Variants in LHFPL3 observed in about 807,000 individuals in gnomAD.
LHFPL3 encodes the protein LHFPL tetraspan subfamily member 3 protein.
Under a neutral mutation model 19.3 loss-of-function variants are expected in LHFPL3, and 5 were observed. The observed-to-expected ratio is 0.26, with a 90% CI of 0.14 to 0.54. LHFPL3 has a LOEUF of 0.54. Among genes scored for constraint, LHFPL3 ranks in the 20% least tolerant of loss-of-function variants. The probability of loss-of-function intolerance (pLI) is 0.94; values close to 1 mark genes in which losing one functional copy is unlikely to be tolerated. For synonymous variants in LHFPL3, 133 were observed against 126.2 expected, an observed-to-expected ratio of 1.05 and a Z score of -0.36; for missense variants, 249 against 307.4, an observed-to-expected ratio of 0.81 and a Z score of 1.42.
intron 1 of LHFPL3, among the ~76,000 whole-genome samples, chr7:104,610,196 T>C (rs1009236537): frequency 6.6e-6 from 1 of 152,164 alleles, no homozygotes; most frequent in African/African-American, 2.4e-5. Context: ...AAAAATCCTT[T>C]CTGTATACTG....
At chr7:104,331,062 A>C (rs1014102792) in intron 1 of LHFPL3, among the ~76,000 whole-genome samples, 2 of 152,214 alleles carry the variant, frequency 1.3e-5, no homozygotes, top group Non-Finnish European at 2.9e-5. Context: ...GAGGTTTCCT[A>C]CTCTAACCCC....
At chr7:104,674,721 A>C (rs1225228700) in intron 1 of LHFPL3, among the ~76,000 whole-genome samples, 1 of 152,230 alleles carries the variant, frequency 6.6e-6, no homozygotes, top group Non-Finnish European at 1.5e-5. Context: ...GGGAGAAAAA[A>C]GATTGACATA....
intron 1 of LHFPL3, among the ~76,000 whole-genome samples, chr7:104,672,208 G>C (rs575193742): frequency 1.1e-4 from 17 of 152,160 alleles, no homozygotes; most frequent in African/African-American, 3.6e-4. Context: ...GTTTTTCCTG[G>C]CTGCATCCCT....
At chr7:104,408,153 A>G (rs1034465174) in intron 1 of LHFPL3, among the ~76,000 whole-genome samples, 7 of 152,106 alleles carry the variant, frequency 4.6e-5, no homozygotes, top group Non-Finnish European at 7.4e-5. Flanking sequence ...CTCTTATTTT[A>G]TTATCCAGCA....
At chr7:104,898,171 C>T (rs1306470982) in intron 2 of LHFPL3, among the ~76,000 whole-genome samples, 2 of 151,636 alleles carry the variant, frequency 1.3e-5, no homozygotes, top group East Asian at 3.9e-4. Flanking sequence ...CACCACACCC[C>T]GCTAATTTTT....
chr7:104,721,370 A>G (rs1410519157), intron 1 of LHFPL3, among the ~76,000 whole-genome samples: 1 of 152,092 alleles, frequency 6.6e-6, no homozygotes, highest in Non-Finnish European at 1.5e-5. Flanking sequence ...AGGGAATATC[A>G]CACACTGGGG....
At chr7:104,541,185 C>A (rs1794480842) in intron 1 of LHFPL3, among the ~76,000 whole-genome samples, 2 of 150,454 alleles carry the variant, frequency 1.3e-5, no homozygotes, top group South Asian at 2.1e-4. Context: ...AAAGGGAGAG[C>A]TTCTCTGATC....
intron 1 of LHFPL3, among the ~76,000 whole-genome samples, chr7:104,619,431 T>C (rs1313149672): frequency 6.6e-6 from 1 of 151,926 alleles, no homozygotes; most frequent in Non-Finnish European, 1.5e-5. Context: ...TCCCTTTTTC[T>C]TTTTTTTCAG....
chr7:104,632,278 C>T (rs1227265415), intron 1 of LHFPL3, among the ~76,000 whole-genome samples: 1 of 152,090 alleles, frequency 6.6e-6, no homozygotes, highest in Non-Finnish European at 1.5e-5. Context: ...TCCCTGCCTC[C>T]CAGAGACCCA....
At chr7:104,373,395 G>A (rs59469645) in intron 1 of LHFPL3, among the ~76,000 whole-genome samples, 340 of 152,276 alleles carry the variant, frequency 2.2e-3, no homozygotes, top group African/African-American at 7.5e-3. Flanking sequence ...AAAGTATTAC[G>A]TATGTTTTAA....
intron 2 of LHFPL3, among the ~76,000 whole-genome samples, chr7:104,885,924 C>T (rs1185587015): frequency 6.6e-6 from 1 of 152,216 alleles, no homozygotes; most frequent in African/African-American, 2.4e-5. Context: ...TGCTATTTCT[C>T]CTGCCTCTGC....
At chr7:104,468,676 C>T (rs1287372225) in intron 1 of LHFPL3, among the ~76,000 whole-genome samples, 9 of 140,474 alleles carry the variant, frequency 6.4e-5, no homozygotes, top group South Asian at 2.2e-4. Flanking sequence ...TTTTTTTTTC[C>T]GAGTTGGAGT....
chr7:104,339,409 T>C (rs1789903425), intron 1 of LHFPL3, among the ~76,000 whole-genome samples: 1 of 152,184 alleles, frequency 6.6e-6, no homozygotes, highest in Non-Finnish European at 1.5e-5. Flanking sequence ...TCAAAAGAAC[T>C]TGTTCAAGGT....
chr7:104,621,630 A>G (rs1392579819), intron 1 of LHFPL3, among the ~76,000 whole-genome samples: 1 of 152,130 alleles, frequency 6.6e-6, no homozygotes, highest in East Asian at 1.9e-4. Context: ...GTCTGTGGAG[A>G]TAATGTCACA....
chr7:104,730,942 A>C (rs1347245748), intron 1 of LHFPL3, among the ~76,000 whole-genome samples: 31 of 151,578 alleles, frequency 2.0e-4, no homozygotes, highest in Middle Eastern at 3.4e-3. Context: ...AGGAAGGGAT[A>C]CAGTTTCAGC....
intron 1 of LHFPL3, among the ~76,000 whole-genome samples, chr7:104,603,047 CTTTTT>C (rs992153691): frequency 6.6e-6 from 1 of 150,768 alleles, no homozygotes; most frequent in South Asian, 2.1e-4. Flanking sequence ...ATTAAGTTTT[CTTTTT>C]TTTCTTTCTT....
intron 1 of LHFPL3, among the ~76,000 whole-genome samples, chr7:104,380,017 G>C (rs1466117019): frequency 1.3e-5 from 2 of 152,026 alleles, no homozygotes; most frequent in Non-Finnish European, 2.9e-5. Context: ...AGTCTTATCT[G>C]TTTCACTATG....
At chr7:104,629,056 T>C (rs1791596234) in intron 1 of LHFPL3, among the ~76,000 whole-genome samples, 2 of 152,194 alleles carry the variant, frequency 1.3e-5, no homozygotes, top group Admixed American at 6.6e-5. Context: ...ATCAATTTTG[T>C]TTGGATATTA....
chr7:104,551,548 A>C (rs991215046), intron 1 of LHFPL3, among the ~76,000 whole-genome samples: 2 of 152,068 alleles, frequency 1.3e-5, no homozygotes, highest in African/African-American at 4.8e-5. Context: ...TCATGTTATC[A>C]AGGTATTTTG....
Sources: allele counts gnomAD v4.1 joint callset (sites outside exome capture counted in the v4.1 genomes callset), GRCh38; gene constraint gnomAD v4.1.1; transcripts MANE v1.5; gene names NCBI Gene and HGNC (gene_info 2026-07-23, HGNC 2026-07-21).